Variants in MSH3 observed in about 807,000 individuals in gnomAD.
MSH3 encodes the protein mutS homolog 3.
In MSH3, 106 loss-of-function variants were observed where a neutral mutation model predicts 123.3. The ratio of observed to expected loss-of-function variants is 0.86; its 90% CI spans 0.73 to 1.01. MSH3 has a LOEUF of 1.01. MSH3 is among the 50% of genes least tolerant of loss of function. MSH3 has a pLI of 0.00. For missense variants in MSH3, 1,459 were observed against 1,347.6 expected, an observed-to-expected ratio of 1.08 and a Z score of -1.29; for synonymous variants, 515 against 481.4, an observed-to-expected ratio of 1.07 and a Z score of -0.91.
At chr5:80,865,210 G>C (rs1259847589) in intron 22 of MSH3, among the ~76,000 whole-genome samples, 1 of 151,992 alleles carries the variant, frequency 6.6e-6, no homozygotes, top group Non-Finnish European at 1.5e-5. Context: ...GGTGTGGGTG[G>C]AGGGGGCACT....
At chr5:80,657,166 C>T (rs1419636506) in intron 2 of MSH3, among the ~76,000 whole-genome samples, 5 of 152,180 alleles carry the variant, frequency 3.3e-5, no homozygotes, top group Middle Eastern at 3.4e-3. Context: ...CTAGGCTGGG[C>T]GCAGGGGCTC....
intron 7 of MSH3, among the ~76,000 whole-genome samples, chr5:80,677,256 G>C (rs1749861912): frequency 6.6e-6 from 1 of 152,166 alleles, no homozygotes; most frequent in African/African-American, 2.4e-5. Flanking sequence ...GGGCTTTGCT[G>C]TTGTAGTATC....
Position 80,692,671 on chromosome 5 carries a change from T to C in MSH3, c.1340+13578T>C, listed in dbSNP as rs866531735. ...ATATAGATATATATATACACATGTATATGTTTATGTTTATATAGATAAATA... is the reference window on the plus strand; with the variant it reads ...ATATAGATATATATATACACATGTACATGTTTATGTTTATATAGATAAATA... On this transcript the variant is annotated intron_variant, in intron 8 of 23. Coordinates refer to ENST00000265081, the MANE Select transcript of MSH3 (RefSeq NM_002439.5). Among the ~76,000 whole-genome samples the C allele has an allele frequency of 9.9e-5, 9 of 90,758 alleles. 1 individual carries two copies. Among genetic ancestry groups the C allele is most frequent in the Admixed American group, 6.2e-4 (6 of 9,652 alleles). 59.5% of individuals were successfully genotyped at this position (90,758 alleles called of 152,430 possible).
chr5:80,778,493 G>A lies in MSH3; in HGVS notation c.2319-227G>A, dbSNP rs6151823. On this transcript the variant is annotated intron_variant, in intron 16 of 23. Transcript: ENST00000265081. ...AATAAAAGTTCTAAACTCTGACTTT[G>A]CTATATGGGTATAATTTGAAATGCA... Among the ~76,000 whole-genome samples, 691 of 152,218 alleles carry A rather than the reference G, an allele frequency of 4.5e-3. 3 individuals carry two copies. Among genetic ancestry groups the A allele is most frequent in the African/African-American group, 0.016 (653 of 41,526 alleles).
intron 17 of MSH3, 146 bp from the exon 18 acceptor site, chr5:80,787,419 A>G: frequency 1.4e-6 from 1 of 713,020 alleles, no homozygotes. Flanking sequence ...TGTTTGGTGT[A>G]ATCTCCATCT....
At chr5:80,738,264 C>G (rs1401081239) in intron 10 of MSH3, among the ~76,000 whole-genome samples, 2 of 152,168 alleles carry the variant, frequency 1.3e-5, no homozygotes, top group Non-Finnish European at 2.9e-5. Context: ...TGGGTTAATT[C>G]AAACTGAATT....
Position 80,845,945 on chromosome 5 carries a change from G to A in MSH3, c.2814-8185G>A, listed in dbSNP as rs181331910. On this transcript the variant is annotated intron_variant, in intron 20 of 23. Transcript: ENST00000265081. ...ATTCTCTGCCCAGTTTTGTTCCATT[G>A]CTGCTGAGGAGCTGCAATCCTTTGG... 1.7e-4 allele frequency among the ~76,000 whole-genome samples: 26 copies of A among 152,214 alleles called. No homozygotes were observed. In the South Asian group the frequency reaches 2.9e-3, roughly 17 times the overall value.
At chr5:80,734,095 A>G (rs924774209) in intron 10 of MSH3, among the ~76,000 whole-genome samples, 5 of 152,238 alleles carry the variant, frequency 3.3e-5, no homozygotes, top group African/African-American at 9.6e-5. Flanking sequence ...TGTTATATGC[A>G]TACAATAGAA....
In MSH3 at chr5:80,741,474, C is replaced by T. The variant is rs1204734473; in HGVS notation, c.1579C>T (p.Gln527Ter). The stretch of plus-strand genomic sequence containing the variant: ...TTGATTCTTTTACAGGAATTTTAAA[C>T]AGCTATCAAGTAAAATGGAATTTAT... Reference protein sequence around the residue: ...KMLSKPENFKQLSSKMEFMTI... With the variant: ...KMLSKPENFK Residue 527 changes from glutamine to a stop codon, truncating the protein, a stop_gained, in exon 11 of 24, where the codon CAG (glutamine) becomes TAG (stop). Transcript: ENST00000265081. LOFTEE classifies it high-confidence loss of function. The T allele has an allele frequency of 6.3e-7, 1 of 1,579,848 alleles. No homozygotes were observed. The highest frequency in any genetic ancestry group is 8.7e-7 in the Non-Finnish European group (1 of 1,148,792).
chr5:80,690,241 C>A (rs1750197614), intron 8 of MSH3, among the ~76,000 whole-genome samples: 1 of 152,122 alleles, frequency 6.6e-6, no homozygotes, highest in Non-Finnish European at 1.5e-5. Context: ...TTTCTTTCTT[C>A]AAACCACAGT....
chr5:80,772,497 A>T (rs1473975263), intron 15 of MSH3, among the ~76,000 whole-genome samples: 2 of 152,124 alleles, frequency 1.3e-5, no homozygotes, highest in Non-Finnish European at 2.9e-5. Context: ...AATATCTGGC[A>T]TTTAACTAAG....
At chr5:80,800,513 C>T (rs919772447) in intron 19 of MSH3, among the ~76,000 whole-genome samples, 4 of 152,192 alleles carry the variant, frequency 2.6e-5, no homozygotes, top group African/African-American at 7.2e-5. Context: ...GCCTCAAATA[C>T]GCACGATCTT....
chr5:80,823,417 T>C (rs1745235397), intron 20 of MSH3, among the ~76,000 whole-genome samples: 1 of 152,150 alleles, frequency 6.6e-6, no homozygotes, highest in Admixed American at 6.5e-5. Flanking sequence ...AATTTGGGGT[T>C]TTAAGCTTTA....
At chr5:80,769,221 T>A (rs771970379) in intron 15 of MSH3, among the ~76,000 whole-genome samples, 19 of 152,126 alleles carry the variant, frequency 1.2e-4, no homozygotes, top group Non-Finnish European at 1.0e-4. Context: ...TAATGTTATA[T>A]GTATATTAGC....
chr5:80,783,950 C>T (rs745462965), intron 17 of MSH3, among the ~76,000 whole-genome samples: 2 of 152,016 alleles, frequency 1.3e-5, no homozygotes, highest in Non-Finnish European at 2.9e-5. Flanking sequence ...TGGCTCATGC[C>T]TGTAATCCCA....
chr5:80,667,328 T>G (rs1467995374), intron 3 of MSH3, among the ~76,000 whole-genome samples: 1 of 152,144 alleles, frequency 6.6e-6, no homozygotes, highest in Non-Finnish European at 1.5e-5. Flanking sequence ...GACATAAAAG[T>G]CATGGAAACA....
chr5:80,849,800 A>G (rs940912713), intron 20 of MSH3, among the ~76,000 whole-genome samples: 1 of 151,944 alleles, frequency 6.6e-6, no homozygotes, highest in Admixed American at 6.6e-5. Flanking sequence ...GCCTGGAGAC[A>G]TTTTCCCCAT....
chr5:80,701,548 G>A (rs558931039), intron 8 of MSH3, among the ~76,000 whole-genome samples: 1 of 152,278 alleles, frequency 6.6e-6, no homozygotes, highest in Non-Finnish European at 1.5e-5. Flanking sequence ...TCTGTCCTCA[G>A]GATCTCTTTA....
At chr5:80,761,464 C>A in intron 12 of MSH3, 82 bp from the exon 13 acceptor site, 2 of 1,530,252 alleles carry the variant, frequency 1.3e-6, no homozygotes, top group Non-Finnish European at 1.8e-6. Flanking sequence ...GGCTGTGTCA[C>A]ATTCCTGGGC....
Sources: allele counts gnomAD v4.1 joint callset (sites outside exome capture counted in the v4.1 genomes callset), GRCh38; gene constraint gnomAD v4.1.1; transcripts MANE v1.5; gene names NCBI Gene and HGNC (gene_info 2026-07-23, HGNC 2026-07-21).